MARK3: variants seen among roughly 807,000 people sequenced by gnomAD.
The protein encoded by MARK3 is MAP/microtubule affinity-regulating kinase 3.
MARK3 carries 46 observed loss-of-function variants against 90.1 expected under a neutral mutation model. That is an observed-to-expected ratio of 0.51 (90% CI 0.40 to 0.65). The LOEUF (loss-of-function observed/expected upper bound fraction) is 0.65, where lower values mean the gene tolerates loss of function less well. Ranked by LOEUF, MARK3 falls within the 30% of genes least tolerant of loss-of-function variation. MARK3 has a pLI of 0.00. For missense variants in MARK3, 818 were observed against 947.2 expected, an observed-to-expected ratio of 0.86 and a Z score of 1.79; for synonymous variants, 321 against 332.6, an observed-to-expected ratio of 0.97 and a Z score of 0.38.
intron 3 of MARK3, among the ~76,000 whole-genome samples, chr14:103,438,628 C>G (rs17617307): frequency 0.29 from 43,448 of 151,976 alleles, 7,305 homozygotes; most frequent in Non-Finnish European, 0.36. Context: ...TTCTAGGAAT[C>G]TTGACCACCA....
chr14:103,402,512 A>G (rs906543812), intron 1 of MARK3, among the ~76,000 whole-genome samples: 2 of 151,100 alleles, frequency 1.3e-5, no homozygotes, highest in African/African-American at 2.4e-5. Context: ...AGATTGCGCC[A>G]CTGCACTCCA....
intron 5 of MARK3, among the ~76,000 whole-genome samples, chr14:103,454,601 TTTA>T (rs1448729821): frequency 9.9e-5 from 15 of 152,204 alleles, no homozygotes; most frequent in African/African-American, 3.6e-4. Context: ...GGACATATGT[TTTA>T]TTGTTGATGT....
intron 14 of MARK3, among the ~76,000 whole-genome samples, chr14:103,481,915 T>C (rs4900579): frequency 0.97 from 145,023 of 150,190 alleles, 70,238 homozygotes; most frequent in East Asian, 1. Context: ...TACAGGCGCC[T>C]GCCACCACTC....
chr14:103,458,699 C>T (rs1566880007), intron 6 of MARK3: 2 of 673,974 alleles, frequency 3.0e-6, no homozygotes, highest in African/African-American at 1.8e-5. Flanking sequence ...TTCTTAGAAC[C>T]TTTATATTTT....
Position 103,428,423 on chromosome 14 carries a change from C to G in MARK3, c.280C>G (p.Pro94Ala), listed in dbSNP as rs781297045. ...AATAATTGACAAAACTCAGTTGAATCCAACAAGTCTACAAAAGGTAAGATT... is the reference window on the plus strand; with the variant it reads ...AATAATTGACAAAACTCAGTTGAATGCAACAAGTCTACAAAAGGTAAGATT... ...IKIIDKTQLN[P>A]TSLQKLFREV... Residue 94 changes from proline (P) to alanine (A), a missense_variant, in exon 3 of 18, where the codon CCA becomes GCA. Transcript: ENST00000429436. 4.0e-6 allele frequency: 6 copies of G among 1,503,152 alleles called. No individual in the cohort carries two copies. The African/African-American group carries it at 5.6e-5, about 14-fold the overall frequency. 93.1% of individuals were successfully genotyped at this position (1,503,152 alleles called of 1,614,324 possible).
intron 3 of MARK3, among the ~76,000 whole-genome samples, chr14:103,432,473 G>A (rs971422712): frequency 2.0e-5 from 3 of 152,034 alleles, no homozygotes; most frequent in Non-Finnish European, 4.4e-5. Context: ...TTGTAAAATA[G>A]GGCAACACTA....
Position 103,474,052 on chromosome 14 carries a change from C to A in MARK3, c.1265-941C>A, listed in dbSNP as rs868628780. On this transcript the variant is annotated intron_variant, in intron 12 of 17. Coordinates refer to ENST00000429436, the MANE Select transcript of MARK3 (RefSeq NM_001128918.3). ...TCTACTAAAAAAAAAAAAATATATA[C>A]AAAAAAAAAAAATTAGTTGGCATGC... 2.4e-4 allele frequency among the ~76,000 whole-genome samples: 33 copies of A among 137,630 alleles called. 3 individuals are homozygous for A. The highest frequency in any genetic ancestry group is 4.5e-4 in the South Asian group (2 of 4,420). The allele number at this position is 137,630 out of a possible 152,430, so 90.3% of individuals were successfully genotyped here.
intron 12 of MARK3, among the ~76,000 whole-genome samples, chr14:103,469,592 T>G (rs1352474098): frequency 6.6e-6 from 1 of 151,992 alleles, no homozygotes; most frequent in African/African-American, 2.4e-5. Context: ...TAGCTGGGAC[T>G]ATAGGCACAC....
At chr14:103,461,133 A>G (rs2093393318) in intron 6 of MARK3, among the ~76,000 whole-genome samples, 1 of 152,204 alleles carries the variant, frequency 6.6e-6, no homozygotes. Flanking sequence ...CTAAGAGTTG[A>G]TGATGATTTG....
chr14:103,493,942 A>G (rs950029565), intron 15 of MARK3, among the ~76,000 whole-genome samples: 96 of 151,156 alleles, frequency 6.4e-4, no homozygotes, highest in Non-Finnish European at 2.5e-4. Context: ...TCATTTTAAG[A>G]CTAGTATTGG....
At chr14:103,440,060 C>T (rs920325471) in intron 3 of MARK3, among the ~76,000 whole-genome samples, 3 of 152,244 alleles carry the variant, frequency 2.0e-5, no homozygotes, top group African/African-American at 2.4e-5. Context: ...GCTGGGATTA[C>T]AGGTGTGAAC....
intron 1 of MARK3, among the ~76,000 whole-genome samples, chr14:103,393,813 G>A (rs2090418179): frequency 6.6e-6 from 1 of 150,752 alleles, no homozygotes; most frequent in Admixed American, 6.6e-5. Flanking sequence ...AGGCTGGAGT[G>A]CAATCTCGTG....
chr14:103,459,306 T>C (rs2141455407), intron 6 of MARK3, among the ~76,000 whole-genome samples: 1 of 152,298 alleles, frequency 6.6e-6, no homozygotes, highest in East Asian at 1.9e-4. Flanking sequence ...TCTGAAGCCT[T>C]TATTTGAGGA....
intron 12 of MARK3, among the ~76,000 whole-genome samples, chr14:103,474,375 CCACATGTCCCTAGG>C (rs1340176775): frequency 2.0e-5 from 3 of 152,198 alleles, no homozygotes; most frequent in Non-Finnish European, 2.9e-5. Flanking sequence ...AGTCTGTCAT[CCACATGTCCCTAGG>C]CACATGTCCC....
At chr14:103,457,291 C>G in intron 6 of MARK3, 79 bp downstream of exon 6, 1 of 1,087,350 alleles carries the variant, frequency 9.2e-7, no homozygotes. Flanking sequence ...GTGTTTGCCT[C>G]CATAAATGCT....
intron 6 of MARK3, among the ~76,000 whole-genome samples, chr14:103,458,241 T>G (rs2093318298): frequency 6.6e-6 from 1 of 152,098 alleles, no homozygotes; most frequent in African/African-American, 2.4e-5. Flanking sequence ...GCGGATCACC[T>G]GAGGGTCAGG....
At chr14:103,425,219 C>T (rs1195423870) in intron 2 of MARK3, among the ~76,000 whole-genome samples, 3 of 151,000 alleles carry the variant, frequency 2.0e-5, no homozygotes, top group African/African-American at 7.3e-5. Context: ...AGACTACAGG[C>T]GTGAGCCACC....
intron 7 of MARK3, among the ~76,000 whole-genome samples, chr14:103,462,964 C>G (rs1436892123): frequency 6.6e-6 from 1 of 152,134 alleles, no homozygotes; most frequent in Non-Finnish European, 1.5e-5. Context: ...GCACCTACCC[C>G]CATCCATCAC....
chr14:103,426,124 C>A (rs905995682), intron 2 of MARK3, among the ~76,000 whole-genome samples: 5 of 152,100 alleles, frequency 3.3e-5, no homozygotes, highest in Admixed American at 6.5e-5. Flanking sequence ...CTGTCTCTCA[C>A]AAGTGTAGAG....
Sources: gnomAD v4.1 joint callset for allele counts (sites outside exome capture counted in the v4.1 genomes callset) on GRCh38, gnomAD v4.1.1 for gene constraint, MANE v1.5 for transcripts, NCBI Gene and HGNC (gene_info 2026-07-23, HGNC 2026-07-21) for gene names.